CACNA1E: variants seen among roughly 807,000 people sequenced by gnomAD.
CACNA1E encodes voltage-dependent R-type calcium channel subunit alpha-1E.
In CACNA1E, 40 loss-of-function variants were observed where a neutral mutation model predicts 259.2. The observed-to-expected ratio is 0.15, with a 90% CI of 0.12 to 0.20. The LOEUF is 0.20. Among genes scored for constraint, CACNA1E ranks in the 10% least tolerant of loss-of-function variants. The pLI, the probability that CACNA1E is intolerant of heterozygous loss-of-function variation, is 1.00. For synonymous variants in CACNA1E, 1,104 were observed against 1,138.5 expected (o/e 0.97, Z 0.61); for missense variants, 1,874 against 3,040.1 (o/e 0.62, Z 9.02).
rs1054493160 is a variant in CACNA1E, at chr1:181,325,565, C to T, written c.-15+7442C>T. On this transcript the variant is annotated intron_variant, in intron 1 of 11. Coordinates refer to the CACNA1E transcript ENST00000524607. Reference sequence around the variant, plus strand: ...AAGCCCTCCAGGGGAGTCTCATGCACGTTAGTTTGGGAACCCCTGTTAGAA... The same window carrying T: ...AAGCCCTCCAGGGGAGTCTCATGCATGTTAGTTTGGGAACCCCTGTTAGAA... Among the ~76,000 whole-genome samples, 6 of 152,178 alleles carry T rather than the reference C, an allele frequency of 3.9e-5. No homozygotes were observed. In the East Asian group the frequency reaches 9.6e-4, roughly 24 times the overall value.
intron 9 of CACNA1E, 134 bp downstream of exon 9, chr1:181,715,525 A>G (rs1653808456): frequency 1.6e-6 from 1 of 631,474 alleles, no homozygotes; most frequent in Non-Finnish European, 2.8e-6. Context: ...TTTCTGTCAT[A>G]AAATCCCTCA....
chr1:181,440,474 T>G (rs1290117579), intron 2 of CACNA1E, among the ~76,000 whole-genome samples: 1 of 152,070 alleles, frequency 6.6e-6, no homozygotes. Context: ...AAGCTGTCAA[T>G]CCACCAAAGA....
At chr1:181,463,144 C>T (rs1661931685) in intron 2 of CACNA1E, among the ~76,000 whole-genome samples, 1 of 152,032 alleles carries the variant, frequency 6.6e-6, no homozygotes, top group Admixed American at 6.6e-5. Flanking sequence ...CTTATAAATG[C>T]TATATTTTTC....
intron 2 of CACNA1E, among the ~76,000 whole-genome samples, chr1:181,447,693 C>A (rs1660883208): frequency 6.6e-6 from 1 of 152,138 alleles, no homozygotes; most frequent in Admixed American, 6.6e-5. Flanking sequence ...ATGGGCCTCC[C>A]CAGGCTAAAA....
chr1:181,550,843 T>G (rs929651900), intron 3 of CACNA1E, among the ~76,000 whole-genome samples: 7 of 152,140 alleles, frequency 4.6e-5, no homozygotes, highest in Non-Finnish European at 8.8e-5. Flanking sequence ...CAGTTTGTAC[T>G]GAGAGGGAGG....
chr1:181,542,574 G>A (rs1668672875), intron 3 of CACNA1E, among the ~76,000 whole-genome samples: 1 of 151,776 alleles, frequency 6.6e-6, no homozygotes, highest in South Asian at 2.1e-4. Context: ...GTTTTATAAG[G>A]GGCTCTTCCC....
At chr1:181,480,189 T>A (rs2102449212), upstream of CACNA1E, among the ~76,000 whole-genome samples, 1 of 152,202 alleles carries the variant, frequency 6.6e-6, no homozygotes, top group East Asian at 1.9e-4. Context: ...ATGAAACCAG[T>A]ATAGAAATTC....
chr1:181,359,450 A>G (rs1296682721), intron 1 of CACNA1E, among the ~76,000 whole-genome samples: 1 of 152,222 alleles, frequency 6.6e-6, no homozygotes, highest in Non-Finnish European at 1.5e-5. Context: ...AAGTTTGAAC[A>G]TGGCATGGAT....
rs2101904525 is a variant in CACNA1E at position 181,357,165 on chromosome 1, C to G, written c.-15+39042C>G. Among the ~76,000 whole-genome samples the G allele has an allele frequency of 2.0e-5, 3 of 152,236 alleles. No homozygotes were observed. The East Asian group carries it at 5.8e-4, about 29-fold the overall frequency. ...AGGAGCCTTTTCTCTTGCTCTTGTTCTTGCTCTTGGATCAGCCCCAGAGGC... is the reference window on the plus strand; with the variant it reads ...AGGAGCCTTTTCTCTTGCTCTTGTTGTTGCTCTTGGATCAGCCCCAGAGGC... On this transcript the variant is annotated intron_variant, in intron 1 of 11. Coordinates refer to the CACNA1E transcript ENST00000524607.
chr1:181,499,604 G>C lies in CACNA1E; in HGVS notation c.267-10873G>C, dbSNP rs565793214. On this transcript the variant is annotated intron_variant, in intron 1 of 47. Transcript: ENST00000367573. Reference sequence around the variant, plus strand: ...TCTAGTTTCCATCATTGTTATTTCAGCTGATTGGAGGACACGATTAACTTT... The same window carrying C: ...TCTAGTTTCCATCATTGTTATTTCACCTGATTGGAGGACACGATTAACTTT... Among the ~76,000 whole-genome samples the C allele has an allele frequency of 3.9e-5, 6 of 152,308 alleles. No individual in the cohort carries two copies. In the East Asian group the frequency reaches 9.6e-4, roughly 24 times the overall value.
rs1655539941 is a variant in CACNA1E, at chr1:181,732,104, G to T, written c.2298-280G>T. ...GATGGCTGCCCCAGCAGGCCCTGGGGACTTGGAACTCCTCCCAGGGTTGAT... is the reference window on the plus strand; with the variant it reads ...GATGGCTGCCCCAGCAGGCCCTGGGTACTTGGAACTCCTCCCAGGGTTGAT... On this transcript the variant is annotated intron_variant, in intron 19 of 47. Coordinates refer to ENST00000367573, the MANE Select transcript of CACNA1E (RefSeq NM_001205293.3). This position sits in a 1 kb window ranked among gnomAD's most constrained non-coding sequence, Gnocchi z 5.5. Among the ~76,000 whole-genome samples the T allele has an allele frequency of 6.6e-6, 1 of 151,930 alleles. No individual in the cohort carries two copies. Among genetic ancestry groups the T allele is most frequent in the African/African-American group, 2.4e-5 (1 of 41,354 alleles).
chr1:181,402,915 G>C (rs1290894953), intron 1 of CACNA1E, among the ~76,000 whole-genome samples: 3 of 152,134 alleles, frequency 2.0e-5, no homozygotes, highest in Admixed American at 6.5e-5. Context: ...TGTGACCTTG[G>C]GTAACTTTCT....
intron 29 of CACNA1E, among the ~76,000 whole-genome samples, chr1:181,756,506 C>T (rs921174964): frequency 6.6e-6 from 1 of 152,160 alleles, no homozygotes; most frequent in Admixed American, 6.5e-5. Flanking sequence ...CCCAAAGGCA[C>T]CTCCTGTGAT....
At chr1:181,578,089 G>T (rs952116456) in intron 4 of CACNA1E, among the ~76,000 whole-genome samples, 5 of 152,188 alleles carry the variant, frequency 3.3e-5, no homozygotes, top group African/African-American at 4.8e-5. Context: ...TACAGAAAAT[G>T]TGGAAAGTAA....
chr1:181,599,254 C>A (rs1380914359), intron 6 of CACNA1E, among the ~76,000 whole-genome samples: 1 of 152,194 alleles, frequency 6.6e-6, no homozygotes, highest in African/African-American at 2.4e-5. Flanking sequence ...CTAAGGATAA[C>A]AGCCTCCAGC....
intron 8 of CACNA1E, 90 bp from the exon 9 acceptor site, chr1:181,715,248 C>A: frequency 1.3e-6 from 1 of 768,234 alleles, no homozygotes; most frequent in East Asian, 2.7e-5. Flanking sequence ...TCTCTGTTGC[C>A]CTGAGCTGAA....
In CACNA1E at chr1:181,731,075, A is replaced by G; in HGVS notation, c.2241-100A>G. 3.4e-6 allele frequency: 3 copies of G among 874,664 alleles called. No individual in the cohort carries two copies. The South Asian group carries it at 4.2e-5, about 12-fold the overall frequency. 54.2% of individuals were successfully genotyped at this position (874,664 alleles called of 1,614,324 possible). On this transcript the variant is annotated intron_variant, in intron 18 of 47. Coordinates refer to ENST00000367573, the MANE Select transcript of CACNA1E (RefSeq NM_001205293.3). Reference sequence around the variant, plus strand: ...GCACATGGAGACCTGATGGCCACACAGAGGACTCCCTGTCTCCCTCTGGAA... The same window carrying G: ...GCACATGGAGACCTGATGGCCACACGGAGGACTCCCTGTCTCCCTCTGGAA...
chr1:181,544,401 A>T (rs756276097), intron 3 of CACNA1E, among the ~76,000 whole-genome samples: 202 of 22,518 alleles, frequency 9.0e-3, no homozygotes, highest in Non-Finnish European at 0.017. Context: ...TGAATATACT[A>T]AAAAAAAAAA....
chr1:181,549,645 C>T (rs12729723), intron 3 of CACNA1E, among the ~76,000 whole-genome samples: 21,979 of 152,152 alleles, frequency 0.14, 2,005 homozygotes, highest in Non-Finnish European at 0.2. Flanking sequence ...AGGGGAGTTG[C>T]CCATGGGTTC....
Sources: gnomAD v4.1 joint callset for allele counts (sites outside exome capture counted in the v4.1 genomes callset) on GRCh38, gnomAD v4.1.1 for gene constraint, Gnocchi (gnomAD v3.1) non-coding constraint, MANE v1.5 for transcripts, NCBI Gene and HGNC (gene_info 2026-07-23, HGNC 2026-07-21) for gene names.